FMN1: variants seen among roughly 807,000 people sequenced by gnomAD.
FMN1 encodes the protein formin-1.
FMN1 carries 110 observed loss-of-function variants against 132.4 expected under a neutral mutation model. That is an observed-to-expected ratio of 0.83 (90% CI 0.71 to 0.97). The LOEUF (loss-of-function observed/expected upper bound fraction) is 0.97. FMN1 is among the 50% of genes least tolerant of loss of function. The pLI is 0.00. For missense variants in FMN1, 1,792 were observed against 1,705.3 expected, an observed-to-expected ratio of 1.05 and a Z score of -0.90; for synonymous variants, 722 against 651.7, an observed-to-expected ratio of 1.11 and a Z score of -1.64.
At chr15:32,959,673 A>T (rs2030282581) in intron 9 of FMN1, among the ~76,000 whole-genome samples, 1 of 152,230 alleles carries the variant, frequency 6.6e-6, no homozygotes, top group Non-Finnish European at 1.5e-5. Flanking sequence ...ACAGAGAAAC[A>T]AAATAAATGT....
At position 32,771,104 on chromosome 15, in the gene FMN1, G is replaced by A. The variant is rs777768710; in HGVS notation, c.*3206C>T. 2.7e-5 allele frequency: 4 copies of A among 147,434 alleles called. No homozygotes were observed. Among genetic ancestry groups the A allele is most frequent in the Non-Finnish European group, 6.0e-5 (4 of 67,034 alleles). 9.1% of individuals were successfully genotyped at this position (147,434 alleles called of 1,614,324 possible). A position where few individuals can be genotyped will look rare whatever the true frequency, so the allele number is the denominator to read the frequency against. ...GGCCTGATGCTTTTTTTTTTGAAACGGAGTCTCACTGTCGCCCAGGCTGGA... is the reference window on the plus strand; with the variant it reads ...GGCCTGATGCTTTTTTTTTTGAAACAGAGTCTCACTGTCGCCCAGGCTGGA... On this transcript the variant is annotated 3_prime_UTR_variant, in exon 21 of 21. Coordinates refer to ENST00000616417, the MANE Select transcript of FMN1 (RefSeq NM_001277313.2).
chr15:32,812,965 C>T (rs1442906693), intron 17 of FMN1, among the ~76,000 whole-genome samples: 2 of 144,362 alleles, frequency 1.4e-5, no homozygotes, highest in East Asian at 2.0e-4. Flanking sequence ...TTATGGATTC[C>T]ACCAACTGCA....
intron 16 of FMN1, among the ~76,000 whole-genome samples, chr15:32,884,682 C>T (rs922056862): frequency 2.0e-5 from 3 of 152,204 alleles, no homozygotes; most frequent in African/African-American, 4.8e-5. Flanking sequence ...ATGAAAGTAA[C>T]TATTGCCATT....
intron 9 of FMN1, among the ~76,000 whole-genome samples, chr15:32,948,769 T>C (rs1226370404): frequency 6.6e-6 from 1 of 152,110 alleles, no homozygotes. Context: ...AGTTTTTGAA[T>C]GTTATTCTTT....
At chr15:33,032,769 A>C (rs1331037851) in intron 6 of FMN1, among the ~76,000 whole-genome samples, 1 of 152,330 alleles carries the variant, frequency 6.6e-6, no homozygotes, top group East Asian at 1.9e-4. Context: ...AAGCCACACA[A>C]TTAAGACAAC....
chr15:33,065,150 C>A, intron 5 of FMN1, 76 bp from the exon 6 acceptor site: 1 of 947,356 alleles, frequency 1.1e-6, no homozygotes, highest in Admixed American at 2.5e-5. Flanking sequence ...CATGCTAAAC[C>A]TAATTCTGAA....
intron 4 of FMN1, among the ~76,000 whole-genome samples, chr15:33,107,533 T>C (rs1280660919): frequency 6.6e-6 from 1 of 152,090 alleles, no homozygotes; most frequent in South Asian, 2.1e-4. Context: ...CCTCACCTTC[T>C]TGCTGTTTTG....
chr15:33,018,041 G>A (rs898943824), intron 6 of FMN1, among the ~76,000 whole-genome samples: 1 of 149,790 alleles, frequency 6.7e-6, no homozygotes, highest in Non-Finnish European at 1.5e-5. Context: ...CTCCAGCCTG[G>A]GCAACAGAGC....
intron 7 of FMN1, among the ~76,000 whole-genome samples, chr15:32,976,678 A>C (rs1008384321): frequency 6.6e-6 from 1 of 152,214 alleles, no homozygotes; most frequent in Non-Finnish European, 1.5e-5. Flanking sequence ...ACATTTCTGT[A>C]ATTAGAACTT....
At chr15:33,077,773 A>C (rs1213258819) in intron 5 of FMN1, among the ~76,000 whole-genome samples, 2 of 149,010 alleles carry the variant, frequency 1.3e-5, no homozygotes, top group Non-Finnish European at 3.0e-5. Flanking sequence ...CAGAATCTAC[A>C]AAGAACTCAA....
chr15:33,038,281 G>A (rs1256933923), intron 6 of FMN1, among the ~76,000 whole-genome samples: 3 of 152,156 alleles, frequency 2.0e-5, no homozygotes, highest in East Asian at 3.9e-4. Flanking sequence ...TCTTTTAAAT[G>A]TAGCTAATTG....
intron 6 of FMN1, among the ~76,000 whole-genome samples, chr15:33,013,830 T>C (rs1374276096): frequency 6.6e-6 from 1 of 152,228 alleles, no homozygotes; most frequent in Non-Finnish European, 1.5e-5. Context: ...AAGCTTCTTG[T>C]GAAATTGATG....
At chr15:32,896,776 A>C (rs565195823) in intron 15 of FMN1, among the ~76,000 whole-genome samples, 2 of 152,310 alleles carry the variant, frequency 1.3e-5, no homozygotes, top group African/African-American at 4.8e-5. Context: ...AATATTCCCT[A>C]GTACATATAC....
chr15:32,891,801 T>C (rs1025553887), intron 15 of FMN1, among the ~76,000 whole-genome samples: 5 of 152,238 alleles, frequency 3.3e-5, no homozygotes, highest in African/African-American at 1.2e-4. Context: ...TATATATATA[T>C]GTATATATTT....
intron 16 of FMN1, among the ~76,000 whole-genome samples, chr15:32,868,637 G>A (rs543120657): frequency 6.6e-6 from 1 of 152,204 alleles, no homozygotes; most frequent in South Asian, 2.1e-4. Flanking sequence ...CTCTTCATTT[G>A]TATAATACAT....
Position 33,153,428 on chromosome 15 carries a change from G to A in FMN1, c.1487C>T (p.Ala496Val). ...AAACACCTTGCCAAGAGCTGCCGGT[G>A]CTGGTGGGGATGGCTTCTTCTTATC... ...RGDKKKPSPP[A>V]PAALGKVFNN... Residue 496 changes from alanine to valine, a missense_variant, in exon 4 of 21, where the codon GCA becomes GTA. Coordinates refer to ENST00000616417, the MANE Select transcript of FMN1 (RefSeq NM_001277313.2). The A allele has an allele frequency of 6.5e-7, 1 of 1,536,832 alleles. No individual in the cohort carries two copies. Among genetic ancestry groups the A allele is most frequent in the Non-Finnish European group, 8.7e-7 (1 of 1,147,024 alleles).
At chr15:33,017,582 T>C (rs1042216641) in intron 6 of FMN1, among the ~76,000 whole-genome samples, 1 of 152,148 alleles carries the variant, frequency 6.6e-6, no homozygotes, top group Non-Finnish European at 1.5e-5. Flanking sequence ...AAATAAAATA[T>C]TGGACAATAA....
intron 19 of FMN1, among the ~76,000 whole-genome samples, chr15:32,781,407 A>G (rs2056659604): frequency 6.6e-6 from 1 of 152,198 alleles, no homozygotes; most frequent in Non-Finnish European, 1.5e-5. Context: ...TGCACACGTT[A>G]GTTACAATGA....
intron 19 of FMN1, among the ~76,000 whole-genome samples, chr15:32,784,606 A>C (rs1184473451): frequency 6.6e-6 from 1 of 152,208 alleles, no homozygotes; most frequent in African/African-American, 2.4e-5. Context: ...GGGCTCCAGT[A>C]AAACATCAAA....
Sources: allele counts gnomAD v4.1 joint callset (sites outside exome capture counted in the v4.1 genomes callset), GRCh38; gene constraint gnomAD v4.1.1; transcripts MANE v1.5; gene names NCBI Gene and HGNC (gene_info 2026-07-23, HGNC 2026-07-21).